ACTN4: variants seen among roughly 807,000 people sequenced by gnomAD.
ACTN4 encodes alpha-actinin-4.
Under a neutral mutation model 114.2 loss-of-function variants are expected in ACTN4, and 18 were observed. The ratio of observed to expected loss-of-function variants is 0.16; its 90% CI spans 0.11 to 0.23. The LOEUF (loss-of-function observed/expected upper bound fraction) is 0.23, where lower values mean the gene tolerates loss of function less well. ACTN4 is among the 10% of genes least tolerant of loss of function. The pLI, the probability that ACTN4 is intolerant of heterozygous loss-of-function variation, is 1.00. For synonymous variants in ACTN4, 515 were observed against 506.3 expected (o/e 1.02, Z -0.23); for missense variants, 722 against 1,262.9 (o/e 0.57, Z 6.49).
chr19:38,705,366 CTCTG>C (rs1195280287), intron 4 of ACTN4, among the ~76,000 whole-genome samples: 2 of 152,144 alleles, frequency 1.3e-5, no homozygotes, highest in Non-Finnish European at 2.9e-5. Flanking sequence ...GGGCCTGGTT[CTCTG>C]TCTGCTTGAC....
chr19:38,708,967 G>T (rs1433860612), intron 6 of ACTN4, among the ~76,000 whole-genome samples: 2 of 152,134 alleles, frequency 1.3e-5, no homozygotes, highest in Non-Finnish European at 2.9e-5. Context: ...CTGTGAGGGG[G>T]CTGGGGGACA....
chr19:38,661,648 A>T (rs561316149), intron 1 of ACTN4, among the ~76,000 whole-genome samples: 373 of 151,670 alleles, frequency 2.5e-3, no homozygotes, highest in Non-Finnish European at 3.7e-3. Flanking sequence ...AGCCTGATTT[A>T]TTTTTATTTA....
intron 1 of ACTN4, among the ~76,000 whole-genome samples, chr19:38,653,495 C>T (rs1251780757): frequency 2.6e-5 from 4 of 151,470 alleles, no homozygotes; most frequent in African/African-American, 9.7e-5. Context: ...AATTAGTGAA[C>T]AGCTGTTTGC....
chr19:38,729,939 C>G lies in ACTN4; in HGVS notation c.*507C>G. On this transcript the variant is annotated 3_prime_UTR_variant, in exon 21 of 21. Coordinates refer to ENST00000252699, the MANE Select transcript of ACTN4 (RefSeq NM_004924.6). The stretch of plus-strand genomic sequence containing the variant: ...CTCTCCCCTCTCTGCTCCAGACTCA[C>G]TTGCCATTGCCAGGAGATGGCCCCA... 3.0e-6 allele frequency: 1 copy of G among 337,066 alleles called. No individual in the cohort carries two copies. 20.9% of individuals were successfully genotyped at this position (337,066 alleles called of 1,614,324 possible). A position where few individuals can be genotyped will look rare whatever the true frequency, so the allele number is the denominator to read the frequency against.
At chr19:38,729,190 C>G in intron 20 of ACTN4, 36 bp downstream of exon 20, 2 of 1,612,588 alleles carry the variant, frequency 1.2e-6, no homozygotes, top group East Asian at 4.5e-5. Context: ...TGGGGGCTGG[C>G]GAGAGGGGTC....
intron 1 of ACTN4, among the ~76,000 whole-genome samples, chr19:38,672,559 C>G (rs1353479420): frequency 6.6e-6 from 1 of 150,444 alleles, no homozygotes; most frequent in Non-Finnish European, 1.5e-5. Context: ...ATTATTTGAT[C>G]TATGTTCTTT....
Position 38,727,531 on chromosome 19 carries a change from C to T in ACTN4, c.2338-415C>T, listed in dbSNP as rs958055546. Among the ~76,000 whole-genome samples, 3 of 151,702 alleles carry T rather than the reference C, an allele frequency of 2.0e-5. No individual in the cohort carries two copies. Among genetic ancestry groups the T allele is most frequent in the African/African-American group, 4.8e-5 (2 of 41,290 alleles). Reference sequence around the variant, plus strand: ...CCCCAGCCCACCCCTGCCGGGCTGACGGACTGAGAAGTGTGCAGCCTCAGC... The same window carrying T: ...CCCCAGCCCACCCCTGCCGGGCTGATGGACTGAGAAGTGTGCAGCCTCAGC... On this transcript the variant is annotated intron_variant, in intron 18 of 20. Coordinates refer to ENST00000252699, the MANE Select transcript of ACTN4 (RefSeq NM_004924.6). The surrounding 1 kb of genome is among the most constrained non-coding windows in gnomAD (Gnocchi z 5.4).
intron 1 of ACTN4, among the ~76,000 whole-genome samples, chr19:38,675,360 C>T (rs1438209318): frequency 3.9e-5 from 6 of 152,202 alleles, no homozygotes; most frequent in African/African-American, 1.4e-4. Context: ...TGGCTCATTG[C>T]AGCCTTAACC....
chr19:38,663,326 C>T (rs1976946732), intron 1 of ACTN4, among the ~76,000 whole-genome samples: 1 of 152,208 alleles, frequency 6.6e-6, no homozygotes, highest in Non-Finnish European at 1.5e-5. Flanking sequence ...CCTCGCTGGG[C>T]CCCTCTTCAG....
chr19:38,724,351 C>A lies in ACTN4; in HGVS notation c.1875+12C>A. 6.2e-7 allele frequency: 1 copy of A among 1,613,236 alleles called. No individual in the cohort carries two copies. Among genetic ancestry groups the A allele is most frequent in the Non-Finnish European group, 8.5e-7 (1 of 1,179,896 alleles). The stretch of plus-strand genomic sequence containing the variant: ...CCAAGTGGGAGAAGGTGGGCCGGGG[C>A]CATCCGTAGGGGCTGGGGCAGGACG... On this transcript the variant is annotated intron_variant, in intron 15 of 20. Coordinates refer to ENST00000252699, the MANE Select transcript of ACTN4 (RefSeq NM_004924.6). The surrounding 1 kb of genome is among the most constrained non-coding windows in gnomAD (Gnocchi z 7.0).
chr19:38,708,013 C>T (rs771924911), intron 5 of ACTN4, 104 bp from the exon 6 acceptor site: 2 of 1,193,370 alleles, frequency 1.7e-6, no homozygotes, highest in Non-Finnish European at 2.5e-6. Flanking sequence ...ACAGGCCAGA[C>T]TGCAGTGAAT....
At chr19:38,691,245 G>A (rs564567970) in intron 1 of ACTN4, among the ~76,000 whole-genome samples, 5 of 151,920 alleles carry the variant, frequency 3.3e-5, no homozygotes, top group East Asian at 1.9e-4. Context: ...GAGAAACTCC[G>A]TCTCTACTAA....
rs535471343 is a variant in ACTN4 at position 38,651,726 on chromosome 19, TTTTTG to T, written c.162+3839_162+3843del. On this transcript the variant is annotated intron_variant, in intron 1 of 20. Transcript: ENST00000252699. Reference sequence around the variant, plus strand: ...TTTTGTTTGTTTTTTGTATTTGTTTTTTTTGTTTTGTTTTGTTTTGTTTTTTTTGA... The same window carrying T: ...TTTTGTTTGTTTTTTGTATTTGTTTTTTTTGTTTTGTTTTGTTTTTTTTGA... Among the ~76,000 whole-genome samples the T allele has an allele frequency of 1.1e-4, 16 of 152,128 alleles. 1 individual carries two copies. The highest frequency in any genetic ancestry group is 5.8e-4 in the East Asian group (3 of 5,182).
In ACTN4 at chr19:38,678,097, G is replaced by A. The variant is rs184470127; in HGVS notation, c.163-22503G>A. ...CCCATGGAGAGGTGGGAAAATCATC[G>A]TTAGCACAGGATAATTCATCCTATT... On this transcript the variant is annotated intron_variant, in intron 1 of 20. Coordinates refer to ENST00000252699, the MANE Select transcript of ACTN4 (RefSeq NM_004924.6). Among the ~76,000 whole-genome samples, 68 of 152,324 alleles carry A rather than the reference G, an allele frequency of 4.5e-4. 1 individual carries two copies. Among genetic ancestry groups the A allele is most frequent in the Admixed American group, 4.3e-3 (66 of 15,300 alleles).
intron 1 of ACTN4, among the ~76,000 whole-genome samples, chr19:38,662,035 G>C (rs1399134734): frequency 1.3e-5 from 2 of 152,096 alleles, no homozygotes; most frequent in East Asian, 3.9e-4. Context: ...TTTCCTCCTT[G>C]TTTCCTTTGG....
chr19:38,714,665 G>A, intron 9 of ACTN4, 104 bp downstream of exon 9: 1 of 1,206,162 alleles, frequency 8.3e-7, no homozygotes, highest in East Asian at 2.5e-5. Context: ...AGATGACCTA[G>A]AAAAGGCTGC....
Position 38,726,983 on chromosome 19 carries a change from G to C in ACTN4, c.2217G>C (p.Leu739=), listed in dbSNP as rs1969255557. The part of the protein sequence containing the change: ...MEHIRVGWEQ[L]LTTIARTINE... ...ACATCCGCGTGGGCTGGGAGCAGCT[G>C]CTCACCACCATTGCCCGCACCATCA... The change falls in exon 18 of 21, where the codon CTG becomes CTC. Residue 739 remains leucine, a synonymous_variant. Transcript: ENST00000252699. 6.2e-7 allele frequency: 1 copy of C among 1,614,076 alleles called. No individual in the cohort carries two copies. Among genetic ancestry groups the C allele is most frequent in the Non-Finnish European group, 8.5e-7 (1 of 1,180,016 alleles).
rs35666464 is a variant in ACTN4 at position 38,714,205 on chromosome 19, C to T, written c.820-264C>T. On this transcript the variant is annotated intron_variant, in intron 8 of 20. Coordinates refer to ENST00000252699, the MANE Select transcript of ACTN4 (RefSeq NM_004924.6). Reference sequence around the variant, plus strand: ...TCTGTGTGGGGCACTAGAGGGTTTGCGAGCAGCAGTGGGAGGGCTCCCCAA... The same window carrying T: ...TCTGTGTGGGGCACTAGAGGGTTTGTGAGCAGCAGTGGGAGGGCTCCCCAA... Among the ~76,000 whole-genome samples the T allele has an allele frequency of 0.057, 8,614 of 152,316 alleles. 262 individuals are homozygous for T. The highest frequency in any genetic ancestry group is 0.096 in the South Asian group (463 of 4,824).
At chr19:38,718,164 C>G (rs1968910768) in intron 11 of ACTN4, 90 bp downstream of exon 11, 2 of 1,545,536 alleles carry the variant, frequency 1.3e-6, no homozygotes, top group Non-Finnish European at 1.8e-6. Context: ...ACACACAGCC[C>G]CCTGCCACGT....
Sources: gnomAD v4.1 joint callset for allele counts (sites outside exome capture counted in the v4.1 genomes callset) on GRCh38, gnomAD v4.1.1 for gene constraint, Gnocchi (gnomAD v3.1) non-coding constraint, MANE v1.5 for transcripts, NCBI Gene and HGNC (gene_info 2026-07-23, HGNC 2026-07-21) for gene names.